TNXB: variants seen among roughly 807,000 people sequenced by gnomAD.
TNXB encodes the protein tenascin-X.
In TNXB, 183 loss-of-function variants were observed where a neutral mutation model predicts 340.5. That is an observed-to-expected ratio of 0.54 (90% confidence interval 0.48 to 0.61). The LOEUF is 0.61. TNXB is among the 20% of genes least tolerant of loss of function. TNXB has a pLI of 0.00. For missense variants in TNXB, 4,613 were observed against 5,446.4 expected, an observed-to-expected ratio of 0.85 and a Z score of 4.82; for synonymous variants, 2,121 against 2,314.5, an observed-to-expected ratio of 0.92 and a Z score of 2.40.
In TNXB at chr6:32,052,229, A is replaced by G. The variant is rs1440876094; in HGVS notation, c.9115+441T>C. Among the ~76,000 whole-genome samples, 1 of 152,182 alleles carries G rather than the reference A, an allele frequency of 6.6e-6. No individual in the cohort carries two copies. The highest frequency in any genetic ancestry group is 2.4e-5 in the African/African-American group (1 of 41,456). ...CACTTTGGGAGGCCGAGGAGGGCAG[A>G]TCACGAGGTCAGGAGATTGAGACCA... On this transcript the variant is annotated intron_variant, in intron 26 of 43. Coordinates refer to ENST00000644971, the MANE Select transcript of TNXB (RefSeq NM_001365276.2). The surrounding 1 kb of genome is among the most constrained non-coding windows in gnomAD (Gnocchi z 4.7).
In TNXB at chr6:32,085,146, G is replaced by A. The variant is rs145173811; in HGVS notation, c.3149-437C>T. Among the ~76,000 whole-genome samples the A allele has an allele frequency of 1.3e-3, 200 of 152,242 alleles. No individual in the cohort carries two copies. The highest frequency in any genetic ancestry group is 6.8e-3 in the Middle Eastern group (2 of 294). ...CCCTGGTCCCACAGAGAGGAACAAA[G>A]AGGGGATGTGAAAGCCAGGTACCCC... On this transcript the variant is annotated intron_variant, in intron 7 of 43. Transcript: ENST00000644971. This position sits in a 1 kb window ranked among gnomAD's most constrained non-coding sequence, Gnocchi z 6.4.
chr6:32,097,302 G>A lies in TNXB; in HGVS notation c.551C>T (p.Ser184Leu), dbSNP rs375853200. 17 of 1,613,610 alleles carry A rather than the reference G, an allele frequency of 1.1e-5. No homozygotes were observed. In the African/African-American group the frequency reaches 2.0e-4, roughly 19 times the overall value. The change falls in exon 3 of 44, where the codon TCG (serine) becomes TTG (leucine). Residue 184 changes from serine (S) to leucine (L), a missense_variant. Transcript: ENST00000644971. The surrounding 1 kb of genome is among the most constrained non-coding windows in gnomAD (Gnocchi z 5.9). ...ATTGCAGTCATCTGGGCAGGACCCC[G>A]AGGCTGAGGGTGGGGAAGAGGGAGG... Reference protein sequence around the residue: ...EIPPSSPPSASGSCPDDCNDQ... With the variant: ...EIPPSSPPSALGSCPDDCNDQ...
chr6:32,099,959 A>C (rs1050250997), intron 1 of TNXB, among the ~76,000 whole-genome samples: 7 of 151,370 alleles, frequency 4.6e-5, no homozygotes, highest in Non-Finnish European at 7.4e-5. Flanking sequence ...AAAAAAAAAA[A>C]AAAAAAAAAA....
In TNXB at chr6:32,073,558, G is replaced by C; in HGVS notation, c.4681+89C>G. 8.1e-7 allele frequency: 1 copy of C among 1,240,312 alleles called. No homozygotes were observed. The highest frequency in any genetic ancestry group is 1.1e-6 in the Non-Finnish European group (1 of 887,626). The allele number at this position is 1,240,312 out of a possible 1,614,324, so 76.8% of individuals were successfully genotyped here. A position where few individuals can be genotyped will look rare whatever the true frequency, so the allele number is the denominator to read the frequency against. On this transcript the variant is annotated intron_variant, in intron 12 of 43. Coordinates refer to ENST00000644971, the MANE Select transcript of TNXB (RefSeq NM_001365276.2). This position sits in a 1 kb window ranked among gnomAD's most constrained non-coding sequence, Gnocchi z 4.6. Reference sequence around the variant, plus strand: ...GATCTAGCCCCTCAGTGAGGGTGCGGTGGTACCAAGGCAGGGCTGGAAGAA... The same window carrying C: ...GATCTAGCCCCTCAGTGAGGGTGCGCTGGTACCAAGGCAGGGCTGGAAGAA...
chr6:32,080,107 A>G lies in TNXB; in HGVS notation c.4043-742T>C, dbSNP rs1464990443. Among the ~76,000 whole-genome samples, 1 of 152,208 alleles carries G rather than the reference A, an allele frequency of 6.6e-6. No individual in the cohort carries two copies. The highest frequency in any genetic ancestry group is 1.9e-4 in the East Asian group (1 of 5,200). On this transcript the variant is annotated intron_variant, in intron 10 of 43. Transcript: ENST00000644971. This position sits in a 1 kb window ranked among gnomAD's most constrained non-coding sequence, Gnocchi z 4.3. ...GAAGGGAGGGAGGTGGGGAGCAAAA[A>G]AGATTACTGGGAAGTGAGAGAGTCA...
Position 32,061,428 on chromosome 6 carries a change from G to A in TNXB, c.7461C>T (p.Arg2487=), listed in dbSNP as rs1150757. The A allele has an allele frequency of 0.097, 156,874 of 1,612,690 alleles. 9,964 individuals carry two copies. The highest frequency in any genetic ancestry group is 0.12 in the Non-Finnish European group (142,556 of 1,179,492). The change falls in exon 21 of 44, where the codon CGC becomes CGT. Residue 2487 remains arginine, a synonymous_variant. Transcript: ENST00000644971. This position sits in a 1 kb window ranked among gnomAD's most constrained non-coding sequence, Gnocchi z 4.4. ...CGCCCACGGTGGACACCGGGCCCACGCGCCGCCCCTCGTGGAGGCCATACA... is the reference window on the plus strand; with the variant it reads ...CGCCCACGGTGGACACCGGGCCCACACGCCGCCCCTCGTGGAGGCCATACA... ...MHLYGLHEGR[R]VGPVSTVGVT...
chr6:32,060,663 C>CT (rs748807620), intron 21 of TNXB, among the ~76,000 whole-genome samples: 3 of 151,918 alleles, frequency 2.0e-5, no homozygotes, highest in Non-Finnish European at 2.9e-5. Context: ...TTTTTTGAGA[C>CT]TGAGTTTGGC....
rs1404039151 is a variant in TNXB, at chr6:32,095,960, A to G, written c.1893T>C (p.Cys631=). Residue 631 remains cysteine (C), a synonymous_variant, in exon 3 of 44, where the codon TGT becomes TGC. Coordinates refer to ENST00000644971, the MANE Select transcript of TNXB (RefSeq NM_001365276.2). ...CPSNCHGRGR[C]EEGRCLCDPG... Reference sequence around the variant, plus strand: ...GGTCGCACAGGCAGCGCCCTTCCTCACAGCGGCCCCTCCCGTGGCAGTTGG... The same window carrying G: ...GGTCGCACAGGCAGCGCCCTTCCTCGCAGCGGCCCCTCCCGTGGCAGTTGG... 1.9e-6 allele frequency: 3 copies of G among 1,613,024 alleles called. No individual in the cohort carries two copies. The South Asian group carries it at 3.3e-5, about 18-fold the overall frequency.
chr6:32,049,366 C>G lies in TNXB; in HGVS notation c.9661G>C (p.Val3221Leu), dbSNP rs367685759. The G allele has an allele frequency of 4.3e-6, 7 of 1,612,400 alleles. No individual in the cohort carries two copies. Among genetic ancestry groups the G allele is most frequent in the Non-Finnish European group, 5.9e-6 (7 of 1,179,872 alleles). ...RVRGEESEVTVGGLEPGRKYK... is the reference protein window; with the variant it reads ...RVRGEESEVTLGGLEPGRKYK... ...TTGCGCCCGGGCTCCAGGCCCCCCACGGTGACCTCGCTCTCCTCGCCCCTG... is the reference window on the plus strand; with the variant it reads ...TTGCGCCCGGGCTCCAGGCCCCCCAGGGTGACCTCGCTCTCCTCGCCCCTG... Residue 3221 changes from valine to leucine, a missense_variant, in exon 28 of 44, where the codon GTG becomes CTG. Val to Leu is a conservative substitution (Grantham distance 32). Coordinates refer to ENST00000644971, the MANE Select transcript of TNXB (RefSeq NM_001365276.2). This position sits in a 1 kb window ranked among gnomAD's most constrained non-coding sequence, Gnocchi z 4.5.
chr6:32,097,466 G>A lies in TNXB; in HGVS notation c.404-17C>T, dbSNP rs1216527015. ...CTGTCTGACCTGGAGTAGGAGGGGA[G>A]AGGCAAGTCTCAGTCTCTCTCCTGG... On this transcript the variant is annotated splice_polypyrimidine_tract_variant and intron_variant, in intron 2 of 43. Transcript: ENST00000644971. The surrounding 1 kb of genome is among the most constrained non-coding windows in gnomAD (Gnocchi z 5.9). 8 of 1,578,036 alleles carry A rather than the reference G, an allele frequency of 5.1e-6. No individual in the cohort carries two copies. The highest frequency in any genetic ancestry group is 4.5e-5 in the South Asian group (4 of 87,984).
Position 32,061,692 on chromosome 6 carries a change from T to C in TNXB, c.7197A>G (p.Thr2399=). The change falls in exon 21 of 44, where the codon ACA becomes ACG. Residue 2399 remains threonine (T), a synonymous_variant. Coordinates refer to ENST00000644971, the MANE Select transcript of TNXB (RefSeq NM_001365276.2). This position sits in a 1 kb window ranked among gnomAD's most constrained non-coding sequence, Gnocchi z 4.4. ...GCTCCGGGGCCTCCATGCTGGGTTC[T>C]GTGGGGCTGGGGGTCTCTTCCTCTG... ...TAAEEETPSP[T]EPSMEAPEPP... 1 of 1,612,234 alleles carries C rather than the reference T, an allele frequency of 6.2e-7. No homozygotes were observed. Among genetic ancestry groups the C allele is most frequent in the East Asian group, 2.2e-5 (1 of 44,856 alleles).
rs1177346064 is a variant in TNXB, at chr6:32,068,158, G to A, written c.6221-174C>T. On this transcript the variant is annotated intron_variant, in intron 17 of 43. Transcript: ENST00000644971. This position sits in a 1 kb window ranked among gnomAD's most constrained non-coding sequence, Gnocchi z 5.3. Reference sequence around the variant, plus strand: ...CACATGACAAGTTCCAGGGTCAGCTGTGGGGGACCTGGGACAGCCACCAGC... The same window carrying A: ...CACATGACAAGTTCCAGGGTCAGCTATGGGGGACCTGGGACAGCCACCAGC... Among the ~76,000 whole-genome samples the A allele has an allele frequency of 6.6e-6, 1 of 152,180 alleles. No homozygotes were observed. Among genetic ancestry groups the A allele is most frequent in the African/African-American group, 2.4e-5 (1 of 41,436 alleles).
rs1424217699 is a variant in TNXB at position 32,067,034 on chromosome 6, C to T, written c.6544+627G>A. 2.7e-5 allele frequency among the ~76,000 whole-genome samples: 4 copies of T among 150,608 alleles called. No homozygotes were observed. On this transcript the variant is annotated intron_variant, in intron 18 of 43. Coordinates refer to ENST00000644971, the MANE Select transcript of TNXB (RefSeq NM_001365276.2). The surrounding 1 kb of genome is among the most constrained non-coding windows in gnomAD (Gnocchi z 4.2). ...TGCAGTGCAGTGAATTGTGACTGTG[C>T]CAGTACACTCTAGCCCAGGCGACAG... is the stretch of plus-strand genomic sequence containing the variant.
At chr6:32,102,493 CACAT>C (rs1466254888) in intron 1 of TNXB, among the ~76,000 whole-genome samples, 1 of 152,150 alleles carries the variant, frequency 6.6e-6, no homozygotes, top group Non-Finnish European at 1.5e-5. Context: ...GAATTTCACA[CACAT>C]AGTGCTGAGT....
At chr6:32,053,121 G>A (rs1334027463) in intron 25 of TNXB, 128 bp from the exon 26 acceptor site, 1 of 1,144,946 alleles carries the variant, frequency 8.7e-7, no homozygotes, top group Admixed American at 2.6e-5. Context: ...GCCCATCTTT[G>A]GAGCTGGGTG....
In TNXB at chr6:32,043,767, T is replaced by G. The variant is rs781091679; in HGVS notation, c.11512A>C (p.Thr3838Pro). The change falls in exon 35 of 44, where the codon ACA becomes CCA. Residue 3838 changes from threonine (T) to proline (P), a missense_variant. By Grantham distance (38) the Thr-to-Pro change is conservative (BLOSUM62 -1). Transcript: ENST00000644971. ...ATCTCACCCGTGGTGAGGAAGCCTG[T>G]GAGAGGCTCACTCTCCTCAAAGCCT... The part of the protein sequence containing the change: ...VRGFEESEPL[T>P]GFLTTVPDGP... The G allele has an allele frequency of 6.2e-7, 1 of 1,613,502 alleles. No homozygotes were observed. The highest frequency in any genetic ancestry group is 8.5e-7 in the Non-Finnish European group (1 of 1,180,010).
At chr6:32,042,433 T>C in intron 40 of TNXB, 22 bp downstream of exon 40, 1 of 1,610,456 alleles carries the variant, frequency 6.2e-7, no homozygotes, top group Non-Finnish European at 8.5e-7. Flanking sequence ...CACAGACCCC[T>C]GGGCTTCCCA....
chr6:32,081,342 A>G lies in TNXB; in HGVS notation c.4042+26T>C. ...GCTCACAGGATGGGGCTAGCAGGGGAGGGAGGCCTGGCAGCCATGACTCAC... is the reference window on the plus strand; with the variant it reads ...GCTCACAGGATGGGGCTAGCAGGGGGGGGAGGCCTGGCAGCCATGACTCAC... On this transcript the variant is annotated intron_variant, in intron 10 of 43. Coordinates refer to ENST00000644971, the MANE Select transcript of TNXB (RefSeq NM_001365276.2). The surrounding 1 kb of genome is among the most constrained non-coding windows in gnomAD (Gnocchi z 5.1). 6.6e-7 allele frequency: 1 copy of G among 1,517,926 alleles called. No homozygotes were observed. Among genetic ancestry groups the G allele is most frequent in the Non-Finnish European group, 8.9e-7 (1 of 1,124,552 alleles). The allele number at this position is 1,517,926 out of a possible 1,614,324, so 94.0% of individuals were successfully genotyped here.
At chr6:32,102,794 C>A (rs1478104169) in intron 1 of TNXB, among the ~76,000 whole-genome samples, 1 of 152,108 alleles carries the variant, frequency 6.6e-6, no homozygotes, top group Non-Finnish European at 1.5e-5. Flanking sequence ...GTGGCACACA[C>A]CTGTAGTCCC....
Sources: allele counts gnomAD v4.1 joint callset (sites outside exome capture counted in the v4.1 genomes callset), GRCh38; gene constraint gnomAD v4.1.1; non-coding constraint Gnocchi (gnomAD v3.1); transcripts MANE v1.5; gene names NCBI Gene and HGNC (gene_info 2026-07-23, HGNC 2026-07-21).